The following SLC6A3 variants were observed in gnomAD, a reference collection of about 807,000 sequenced individuals.
SLC6A3 encodes solute carrier family 6 member 3.
Under a neutral mutation model 70.4 loss-of-function variants are expected in SLC6A3, and 19 were observed. That is an observed-to-expected ratio of 0.27 (90% CI 0.19 to 0.40). The LOEUF is 0.40. Among genes scored for constraint, SLC6A3 ranks in the 10% least tolerant of loss-of-function variants. SLC6A3 has a pLI of 1.00. For missense variants in SLC6A3, 613 were observed against 838.5 expected (o/e 0.73, Z 3.32); for synonymous variants, 368 against 356.6 (o/e 1.03, Z -0.36).
Position 1,421,447 on chromosome 5 carries a change from T to C in SLC6A3, c.792+429A>G, listed in dbSNP as rs28382242. 4.5e-3 allele frequency among the ~76,000 whole-genome samples: 691 copies of C among 152,234 alleles called. 4 individuals carry two copies. Among genetic ancestry groups the C allele is most frequent in the African/African-American group, 0.016 (665 of 41,548 alleles). On this transcript the variant is annotated intron_variant, in intron 5 of 14. Transcript: ENST00000270349. The surrounding 1 kb of genome is among the most constrained non-coding windows in gnomAD (Gnocchi z 7.2). ...CCGTCTCAGCCTCCCAAAGTATTTT[T>C]ATCAACAAAAAAATCATCTTGTGTG...
chr5:1,423,430 G>A (rs1025639324), intron 4 of SLC6A3, among the ~76,000 whole-genome samples: 1 of 152,230 alleles, frequency 6.6e-6, no homozygotes, highest in South Asian at 2.1e-4. Context: ...GCAAACTCTA[G>A]CAATAATGCC....
intron 14 of SLC6A3, among the ~76,000 whole-genome samples, chr5:1,400,072 C>A (rs1755809103): frequency 6.6e-6 from 1 of 152,238 alleles, no homozygotes; most frequent in African/African-American, 2.4e-5. Context: ...GTGCCCTCCA[C>A]ACTATGGCCT....
chr5:1,402,943 G>T lies in SLC6A3; in HGVS notation c.1746C>A (p.Ser582Arg). 10 of 1,613,870 alleles carry T rather than the reference G, an allele frequency of 6.2e-6. No homozygotes were observed. Among genetic ancestry groups the T allele is most frequent in the Non-Finnish European group, 8.5e-6 (10 of 1,180,008 alleles). The change falls in exon 13 of 15, where the codon AGC (serine) becomes AGA (arginine). Residue 582 changes from serine to arginine, a missense_variant. Transcript: ENST00000270349. This position sits in a 1 kb window ranked among gnomAD's most constrained non-coding sequence, Gnocchi z 8.5. Reference sequence around the variant, plus strand: ...CCACCTCTCGAAAGGACCCAGGCAGGCTGCAGAACTTGTAGGCCGCATAGA... The same window carrying T: ...CCACCTCTCGAAAGGACCCAGGCAGTCTGCAGAACTTGTAGGCCGCATAGA... ...VPIYAAYKFCSLPGSFREKLA... is the reference protein window; with the variant it reads ...VPIYAAYKFCRLPGSFREKLA...
At chr5:1,426,051 C>A (rs10051340) in intron 4 of SLC6A3, among the ~76,000 whole-genome samples, 1 of 151,980 alleles carries the variant, frequency 6.6e-6, no homozygotes, top group African/African-American at 2.4e-5. Context: ...AAATCAGAAC[C>A]CTTGTTCCGA....
intron 3 of SLC6A3, among the ~76,000 whole-genome samples, chr5:1,434,451 C>G (rs1456163280): frequency 1.3e-5 from 2 of 152,224 alleles, no homozygotes; most frequent in Non-Finnish European, 2.9e-5. Context: ...TTTATGGGGT[C>G]TCCTGGTAAA....
Position 1,402,243 on chromosome 5 carries a change from A to C in SLC6A3, c.1767+679T>G, listed in dbSNP as rs920021073. 2.0e-5 allele frequency among the ~76,000 whole-genome samples: 3 copies of C among 151,784 alleles called. No homozygotes were observed. Among genetic ancestry groups the C allele is most frequent in the Admixed American group, 1.3e-4 (2 of 15,230 alleles). On this transcript the variant is annotated intron_variant, in intron 13 of 14. Transcript: ENST00000270349. The surrounding 1 kb of genome is among the most constrained non-coding windows in gnomAD (Gnocchi z 8.5). ...GAGGGCGACCCTCTTCCAAGGAGGG[A>C]GTGTCCTTGTCTCTTCCTGGAACCA...
Position 1,432,203 on chromosome 5 carries a change from C to T in SLC6A3, c.653+261G>A, listed in dbSNP as rs190477257. Reference sequence around the variant, plus strand: ...TCAGCCCCCTCCCACCCTGAGCTGCCGCTGGGAGCAGCCAAGGGAGCTGCT... The same window carrying T: ...TCAGCCCCCTCCCACCCTGAGCTGCTGCTGGGAGCAGCCAAGGGAGCTGCT... On this transcript the variant is annotated intron_variant, in intron 4 of 14. Coordinates refer to ENST00000270349, the MANE Select transcript of SLC6A3 (RefSeq NM_001044.5). Among the ~76,000 whole-genome samples, 7 of 152,270 alleles carry T rather than the reference C, an allele frequency of 4.6e-5. No individual in the cohort carries two copies. In the East Asian group the frequency reaches 1.2e-3, roughly 25 times the overall value.
chr5:1,438,363 G>A lies in SLC6A3; in HGVS notation c.418+2996C>T, dbSNP rs1027865446. Among the ~76,000 whole-genome samples, 1 of 152,178 alleles carries A rather than the reference G, an allele frequency of 6.6e-6. No individual in the cohort carries two copies. The highest frequency in any genetic ancestry group is 2.4e-5 in the African/African-American group (1 of 41,440). On this transcript the variant is annotated intron_variant, in intron 3 of 14. Coordinates refer to ENST00000270349, the MANE Select transcript of SLC6A3 (RefSeq NM_001044.5). The surrounding 1 kb of genome is among the most constrained non-coding windows in gnomAD (Gnocchi z 6.5). ...GCGGGATTGTGGGCACAGGGTCTGT[G>A]ACACAGAGGAGACGACTGCCCAGCT...
In SLC6A3 at chr5:1,414,837, T is replaced by C. The variant is rs201216938; in HGVS notation, c.1032-22A>G. 8.4e-5 allele frequency: 135 copies of C among 1,612,618 alleles called. 2 individuals are homozygous for C. Among genetic ancestry groups the C allele is most frequent in the Middle Eastern group, 1.7e-4 (1 of 6,058 alleles). ...GTCCCTGTAAGAACAAGACACGCCGTCTCAGGAACCAGCTGAGCTGCAGCA... is the reference window on the plus strand; with the variant it reads ...GTCCCTGTAAGAACAAGACACGCCGCCTCAGGAACCAGCTGAGCTGCAGCA... On this transcript the variant is annotated intron_variant, in intron 7 of 14. Transcript: ENST00000270349.
At position 1,432,661 on chromosome 5, in the gene SLC6A3, G is replaced by C; in HGVS notation, c.456C>G (p.Val152=). The part of the protein sequence containing the change: ...GFTVILISLY[V]GFFYNVIIAW... ...CGATGATGACGTTGTAGAAGAAGCC[G>C]ACATACAGTGAGATGAGGATGACCG... Residue 152 remains valine (V), a synonymous_variant, in exon 4 of 15, where the codon GTC becomes GTG. Transcript: ENST00000270349. 1 of 1,614,146 alleles carries C rather than the reference G, an allele frequency of 6.2e-7. No homozygotes were observed. The highest frequency in any genetic ancestry group is 8.5e-7 in the Non-Finnish European group (1 of 1,179,990).
Position 1,396,844 on chromosome 5 carries a change from A to G in SLC6A3, c.1840-2086T>C, listed in dbSNP as rs1003655210. Among the ~76,000 whole-genome samples the G allele has an allele frequency of 3.9e-5, 6 of 152,110 alleles. No homozygotes were observed. The highest frequency in any genetic ancestry group is 8.8e-5 in the Non-Finnish European group (6 of 68,014). On this transcript the variant is annotated intron_variant, in intron 14 of 14. Transcript: ENST00000270349. This position sits in a 1 kb window ranked among gnomAD's most constrained non-coding sequence, Gnocchi z 7.0. ...ACCAAATGCTGAAGCCAAATAATACACTTTTTAGGAAGCTAGAAATATCTA... is the reference window on the plus strand; with the variant it reads ...ACCAAATGCTGAAGCCAAATAATACGCTTTTTAGGAAGCTAGAAATATCTA...
intron 14 of SLC6A3, among the ~76,000 whole-genome samples, chr5:1,400,325 T>TA (rs1169938717): frequency 6.6e-6 from 1 of 152,106 alleles, no homozygotes; most frequent in East Asian, 1.9e-4. Context: ...GTTGTGGGAG[T>TA]AAAAACACGT....
In SLC6A3 at chr5:1,437,398, AGAG is replaced by A. The variant is rs1360978932; in HGVS notation, c.418+3958_418+3960del. 1.3e-5 allele frequency among the ~76,000 whole-genome samples: 2 copies of A among 152,140 alleles called. No homozygotes were observed. The highest frequency in any genetic ancestry group is 2.9e-5 in the Non-Finnish European group (2 of 68,018). ...AAGAGACAGAACAGGAGAGAGACAG[AGAG>A]GAGAAGAGACAGAACAGGAGAGACA... On this transcript the variant is annotated intron_variant, in intron 3 of 14. Coordinates refer to ENST00000270349, the MANE Select transcript of SLC6A3 (RefSeq NM_001044.5). The surrounding 1 kb of genome is among the most constrained non-coding windows in gnomAD (Gnocchi z 4.8).
chr5:1,408,971 T>A lies in SLC6A3; in HGVS notation c.1498+55A>T. 2 of 1,243,172 alleles carry A rather than the reference T, an allele frequency of 1.6e-6. No individual in the cohort carries two copies. Among genetic ancestry groups the A allele is most frequent in the Non-Finnish European group, 2.4e-6 (2 of 847,070 alleles). 77.0% of individuals were successfully genotyped at this position (1,243,172 alleles called of 1,614,324 possible). A position where few individuals can be genotyped will look rare whatever the true frequency, so the allele number is the denominator to read the frequency against. On this transcript the variant is annotated intron_variant, in intron 11 of 14. Transcript: ENST00000270349. The surrounding 1 kb of genome is among the most constrained non-coding windows in gnomAD (Gnocchi z 6.4). ...CACGGAGCCTTTTTCAGAAGGGGAG[T>A]GGCACAGCCACCAAACAAGAGGGTG...
intron 4 of SLC6A3, among the ~76,000 whole-genome samples, chr5:1,423,589 T>C (rs1421125726): frequency 6.6e-6 from 1 of 152,206 alleles, no homozygotes; most frequent in African/African-American, 2.4e-5. Flanking sequence ...CACTGTTTTT[T>C]GAAGGATCCC....
rs570399453 is a variant in SLC6A3 at position 1,421,674 on chromosome 5, C to T, written c.792+202G>A. Among the ~76,000 whole-genome samples the T allele has an allele frequency of 1.1e-4, 16 of 152,208 alleles. No homozygotes were observed. The highest frequency in any genetic ancestry group is 8.5e-4 in the Admixed American group (13 of 15,296). ...ACAGGTGTACCCTCAATCATGGCCACGTGTACACTCCCAACCTGATTATGG... is the reference window on the plus strand; with the variant it reads ...ACAGGTGTACCCTCAATCATGGCCATGTGTACACTCCCAACCTGATTATGG... On this transcript the variant is annotated intron_variant, in intron 5 of 14. Transcript: ENST00000270349. This position sits in a 1 kb window ranked among gnomAD's most constrained non-coding sequence, Gnocchi z 7.2.
At position 1,421,013 on chromosome 5, in the gene SLC6A3, C is replaced by T. The variant is rs1243486634; in HGVS notation, c.793-310G>A. ...GATGGGGGTTTTCTGATGCGTGGGA[C>T]GTGAGTGGATTCACACTGGTGAACG... On this transcript the variant is annotated intron_variant, in intron 5 of 14. Coordinates refer to ENST00000270349, the MANE Select transcript of SLC6A3 (RefSeq NM_001044.5). The surrounding 1 kb of genome is among the most constrained non-coding windows in gnomAD (Gnocchi z 7.2). Among the ~76,000 whole-genome samples, 2 of 152,232 alleles carry T rather than the reference C, an allele frequency of 1.3e-5. No individual in the cohort carries two copies. The highest frequency in any genetic ancestry group is 2.4e-5 in the African/African-American group (1 of 41,538).
intron 7 of SLC6A3, among the ~76,000 whole-genome samples, chr5:1,415,361 G>A (rs1405026776): frequency 6.6e-6 from 1 of 152,164 alleles, no homozygotes; most frequent in East Asian, 1.9e-4. Context: ...TGTGTGGCCT[G>A]TCACTGGGGT....
chr5:1,394,152 T>C lies in SLC6A3; in HGVS notation c.*583A>G. On this transcript the variant is annotated 3_prime_UTR_variant, in exon 15 of 15. Coordinates refer to ENST00000270349, the MANE Select transcript of SLC6A3 (RefSeq NM_001044.5). The surrounding 1 kb of genome is among the most constrained non-coding windows in gnomAD (Gnocchi z 4.7). ...CCAATGCCTCTGAACAGACTGTGTG[T>C]GCAATGTGTCAACTGAACGCTCAAT... The C allele has an allele frequency of 5.7e-6, 1 of 174,292 alleles. No homozygotes were observed. The highest frequency in any genetic ancestry group is 5.6e-5 in the Admixed American group (1 of 17,958). The allele number at this position is 174,292 out of a possible 1,614,324, so 10.8% of individuals were successfully genotyped here.
Sources: allele counts gnomAD v4.1 joint callset (sites outside exome capture counted in the v4.1 genomes callset), GRCh38; gene constraint gnomAD v4.1.1; non-coding constraint Gnocchi (gnomAD v3.1); transcripts MANE v1.5; gene names NCBI Gene and HGNC (gene_info 2026-07-23, HGNC 2026-07-21).